The following PDE4B variants were observed in gnomAD, a reference collection of about 807,000 sequenced individuals.
The protein encoded by PDE4B is phosphodiesterase 4B.
Under a neutral mutation model 82.2 loss-of-function variants are expected in PDE4B, and 20 were observed. The observed-to-expected ratio is 0.24, with a 90% CI of 0.17 to 0.35. The LOEUF (loss-of-function observed/expected upper bound fraction) is 0.35, where lower values mean the gene tolerates loss of function less well. Ranked by LOEUF, PDE4B falls within the 10% of genes least tolerant of loss-of-function variation. The probability of loss-of-function intolerance (pLI) is 1.00; values close to 1 mark genes in which losing one functional copy is unlikely to be tolerated. For synonymous variants in PDE4B, 320 were observed against 318.9 expected (o/e 1.00, Z -0.04); for missense variants, 655 against 907.2 (o/e 0.72, Z 3.57).
chr1:66,200,742 T>C lies in PDE4B; in HGVS notation c.282-46718T>C, dbSNP rs190923703. On this transcript the variant is annotated intron_variant, in intron 3 of 16. Transcript: ENST00000341517. ...AGTTGCTTATCAGCTTAAGGAGATTTTGGGCTGAGACAGTGGGGTTTTCTA... is the reference window on the plus strand; with the variant it reads ...AGTTGCTTATCAGCTTAAGGAGATTCTGGGCTGAGACAGTGGGGTTTTCTA... 2.6e-5 allele frequency among the ~76,000 whole-genome samples: 4 copies of C among 152,286 alleles called. No individual in the cohort carries two copies. The East Asian group carries it at 7.7e-4, about 29-fold the overall frequency.
chr1:65,823,304 G>T (rs960409661), intron 1 of PDE4B, among the ~76,000 whole-genome samples: 6 of 148,812 alleles, frequency 4.0e-5, no homozygotes, highest in Non-Finnish European at 1.5e-5. Context: ...GCTGAGGCAT[G>T]AGAATTGCTT....
At chr1:66,055,912 A>G (rs1435558090) in intron 3 of PDE4B, among the ~76,000 whole-genome samples, 6 of 152,324 alleles carry the variant, frequency 3.9e-5, no homozygotes, top group African/African-American at 1.4e-4. Context: ...GCTATCAGAA[A>G]TGTTCAATAT....
chr1:66,345,811 C>T (rs1292696157), intron 8 of PDE4B, among the ~76,000 whole-genome samples: 1 of 152,070 alleles, frequency 6.6e-6, no homozygotes, highest in African/African-American at 2.4e-5. Flanking sequence ...TCCCAATGAC[C>T]CCCAAAGTAC....
At chr1:66,335,950 T>C (rs1570716782) in intron 8 of PDE4B, among the ~76,000 whole-genome samples, 1 of 152,250 alleles carries the variant, frequency 6.6e-6, no homozygotes, top group South Asian at 2.1e-4. Flanking sequence ...CATCAGAGCA[T>C]GAGTTCCTCA....
intron 3 of PDE4B, among the ~76,000 whole-genome samples, chr1:66,134,970 A>C (rs1310195745): frequency 2.0e-5 from 3 of 152,250 alleles, no homozygotes; most frequent in Non-Finnish European, 4.4e-5. Flanking sequence ...ATAGTCGTAC[A>C]AAAGGATAAT....
In PDE4B at chr1:66,316,564, G is replaced by A. The variant is rs75103596; in HGVS notation, c.635-15944G>A. Among the ~76,000 whole-genome samples the A allele has an allele frequency of 2.2e-3, 340 of 152,346 alleles. 3 individuals carry two copies. The highest frequency in any genetic ancestry group is 7.8e-3 in the African/African-American group (323 of 41,584). ...CATTTACAGTCCTGTCTGTATGTGT[G>A]TGTTCAGGGGGAGATTGATTTAAGC... On this transcript the variant is annotated intron_variant, in intron 7 of 16. Coordinates refer to ENST00000341517, the MANE Select transcript of PDE4B (RefSeq NM_002600.4).
rs573899428 is a variant in PDE4B, at chr1:65,935,022, A to G, written c.281+16187A>G. 2.6e-5 allele frequency among the ~76,000 whole-genome samples: 4 copies of G among 152,346 alleles called. No homozygotes were observed. In the South Asian group the frequency reaches 8.3e-4, roughly 32 times the overall value. On this transcript the variant is annotated intron_variant, in intron 3 of 16. Coordinates refer to ENST00000341517, the MANE Select transcript of PDE4B (RefSeq NM_002600.4). ...TATAGACCAAATGAGCCTAACATACATATATAAAATATTCATCTCATAGCT... is the reference window on the plus strand; with the variant it reads ...TATAGACCAAATGAGCCTAACATACGTATATAAAATATTCATCTCATAGCT...
intron 9 of PDE4B, among the ~76,000 whole-genome samples, chr1:66,361,014 T>C (rs1455765594): frequency 2.0e-5 from 3 of 152,158 alleles, no homozygotes; most frequent in African/African-American, 7.2e-5. Context: ...CCTCAAATGG[T>C]AATAAACCAA....
intron 3 of PDE4B, among the ~76,000 whole-genome samples, chr1:66,213,232 A>G (rs1650205563): frequency 6.6e-6 from 1 of 152,160 alleles, no homozygotes; most frequent in African/African-American, 2.4e-5. Flanking sequence ...TCAAGAAAGA[A>G]CCAAGATACC....
At chr1:65,997,083 AT>A (rs1419365540) in intron 3 of PDE4B, among the ~76,000 whole-genome samples, 1 of 152,014 alleles carries the variant, frequency 6.6e-6, no homozygotes, top group Non-Finnish European at 1.5e-5. Context: ...TAGCAACTTG[AT>A]GCTCTCTGAA....
intron 1 of PDE4B, among the ~76,000 whole-genome samples, chr1:65,813,844 G>T (rs1004713402): frequency 3.7e-5 from 5 of 135,744 alleles, no homozygotes; most frequent in Middle Eastern, 0.01. Context: ...ATTTGAATTA[G>T]AATGTAGCTT....
chr1:66,179,359 C>A (rs1042152986), intron 3 of PDE4B, among the ~76,000 whole-genome samples: 2 of 152,024 alleles, frequency 1.3e-5, no homozygotes, highest in African/African-American at 4.8e-5. Context: ...GTGCAGGCTG[C>A]ATATGAGATG....
intron 3 of PDE4B, among the ~76,000 whole-genome samples, chr1:66,204,341 G>T (rs1649341088): frequency 6.6e-6 from 1 of 152,240 alleles, no homozygotes; most frequent in Non-Finnish European, 1.5e-5. Flanking sequence ...ATCTCCAGCT[G>T]TGTGCTGGGA....
In PDE4B at chr1:66,166,061, T is replaced by A. The variant is rs147167331; in HGVS notation, c.282-81399T>A. Among the ~76,000 whole-genome samples the A allele has an allele frequency of 8.5e-3, 1,291 of 152,238 alleles. 30 individuals are homozygous for A. The highest frequency in any genetic ancestry group is 0.029 in the African/African-American group (1,206 of 41,534). ...ACATATACAGATTAATAGAATAGAA[T>A]TGAGAGGCTAGAAATAAATCTATGC... On this transcript the variant is annotated intron_variant, in intron 3 of 16. Coordinates refer to ENST00000341517, the MANE Select transcript of PDE4B (RefSeq NM_002600.4).
intron 1 of PDE4B, among the ~76,000 whole-genome samples, chr1:65,866,872 C>A (rs973219994): frequency 3.9e-5 from 6 of 152,174 alleles, no homozygotes; most frequent in Non-Finnish European, 7.3e-5. Context: ...ATATTTGAAT[C>A]TTGACTAAAA....
At chr1:66,166,137 G>A (rs968111816) in intron 3 of PDE4B, among the ~76,000 whole-genome samples, 2 of 152,168 alleles carry the variant, frequency 1.3e-5, no homozygotes, top group Non-Finnish European at 2.9e-5. Context: ...TTCAATGGGG[G>A]AGTGGGGGAA....
At chr1:65,890,675 T>C (rs1249172195) in intron 1 of PDE4B, among the ~76,000 whole-genome samples, 1 of 151,902 alleles carries the variant, frequency 6.6e-6, no homozygotes, top group African/African-American at 2.4e-5. Context: ...TTTAAGCTAG[T>C]GTCAAAGAAT....
chr1:66,243,268 G>A (rs1653028271), intron 3 of PDE4B, among the ~76,000 whole-genome samples: 2 of 152,222 alleles, frequency 1.3e-5, no homozygotes, highest in South Asian at 4.1e-4. Flanking sequence ...GGTGGGTATA[G>A]GGAAGCAGAA....
At chr1:66,044,842 C>T (rs1654599705) in intron 3 of PDE4B, among the ~76,000 whole-genome samples, 1 of 151,638 alleles carries the variant, frequency 6.6e-6, no homozygotes, top group African/African-American at 2.4e-5. Context: ...TTCCTAGAAT[C>T]CAAGATCATT....
Sources: allele counts gnomAD v4.1 joint callset (sites outside exome capture counted in the v4.1 genomes callset), GRCh38; gene constraint gnomAD v4.1.1; transcripts MANE v1.5; gene names NCBI Gene and HGNC (gene_info 2026-07-23, HGNC 2026-07-21).